Variants in FMN1 observed in about 807,000 individuals in gnomAD.
The protein encoded by FMN1 is formin 1, also known as formin-1.
FMN1 carries 110 observed loss-of-function variants against 132.4 expected under a neutral mutation model. That is an observed-to-expected ratio of 0.83 (90% confidence interval 0.71 to 0.97). FMN1 has a LOEUF of 0.97. FMN1 is among the 50% of genes least tolerant of loss of function. The pLI, the probability that FMN1 is intolerant of heterozygous loss-of-function variation, is 0.00. For synonymous variants in FMN1, 722 were observed against 651.7 expected, an observed-to-expected ratio of 1.11 and a Z score of -1.64; for missense variants, 1,792 against 1,705.3, an observed-to-expected ratio of 1.05 and a Z score of -0.90.
At chr15:32,961,523 T>A (rs997316107) in intron 9 of FMN1, among the ~76,000 whole-genome samples, 1 of 152,172 alleles carries the variant, frequency 6.6e-6, no homozygotes, top group Admixed American at 6.5e-5. Context: ...CACAGAGTAC[T>A]ATACTTTTTC....
chr15:32,960,833 T>C (rs1312240320), intron 9 of FMN1, among the ~76,000 whole-genome samples: 1 of 151,538 alleles, frequency 6.6e-6, no homozygotes, highest in African/African-American at 2.4e-5. Flanking sequence ...CTGTCTCTAC[T>C]AAAAATACAA....
At chr15:32,912,246 G>A (rs576534754) in intron 10 of FMN1, among the ~76,000 whole-genome samples, 1 of 152,144 alleles carries the variant, frequency 6.6e-6, no homozygotes, top group Admixed American at 6.5e-5. Flanking sequence ...ATCAGTCTGG[G>A]GCCCAGGCAC....
At chr15:32,897,585 T>TTCTA (rs2060190786) in intron 15 of FMN1, among the ~76,000 whole-genome samples, 1 of 152,034 alleles carries the variant, frequency 6.6e-6, no homozygotes, top group Non-Finnish European at 1.5e-5. Flanking sequence ...ACAGAATACG[T>TTCTA]GTAGAGGGAA....
At chr15:32,962,442 C>A (rs1464770829) in intron 9 of FMN1, among the ~76,000 whole-genome samples, 1 of 151,944 alleles carries the variant, frequency 6.6e-6, no homozygotes, top group Non-Finnish European at 1.5e-5. Context: ...GCAACGACTT[C>A]ATGTCTAAAA....
intron 17 of FMN1, among the ~76,000 whole-genome samples, chr15:32,819,649 C>A (rs147695287): frequency 2.0e-4 from 30 of 151,972 alleles, no homozygotes; most frequent in Admixed American, 5.9e-4. Context: ...AATTTAAAGA[C>A]GTTTCCTAAA....
intron 3 of FMN1, among the ~76,000 whole-genome samples, chr15:33,176,474 C>G (rs756196356): frequency 6.9e-6 from 1 of 144,590 alleles, no homozygotes; most frequent in African/African-American, 2.6e-5. Flanking sequence ...CCACTGCACT[C>G]CAGCCTGGGC....
intron 19 of FMN1, among the ~76,000 whole-genome samples, chr15:32,792,482 A>T (rs1475944247): frequency 6.6e-6 from 1 of 151,810 alleles, no homozygotes; most frequent in Non-Finnish European, 1.5e-5. Flanking sequence ...AAAACCCAAA[A>T]AAACTAGCAG....
chr15:33,153,388 C>T lies in FMN1; in HGVS notation c.1527G>A (p.Ser509=), dbSNP rs200832343. The change falls in exon 4 of 21, where the codon TCG becomes TCA. Residue 509 remains serine (S), a synonymous_variant. Coordinates refer to ENST00000616417, the MANE Select transcript of FMN1 (RefSeq NM_001277313.2). ...ACGTCTGTTTGTGTGTGCTGGACTG[C>T]GAGGCTGAATTATTAAACACCTTGC... ...ALGKVFNNSA[S]QSSTHKQTSP... is the part of the protein sequence containing the mutation. 870 of 1,536,402 alleles carry T rather than the reference C, an allele frequency of 5.7e-4. 5 individuals carry two copies. Among genetic ancestry groups the T allele is most frequent in the Non-Finnish European group, 9.5e-5 (109 of 1,146,994 alleles).
At chr15:32,801,265 GGATTT>G (rs544616311) in intron 18 of FMN1, among the ~76,000 whole-genome samples, 33 of 152,178 alleles carry the variant, frequency 2.2e-4, no homozygotes, top group Middle Eastern at 6.8e-3. Flanking sequence ...CTCTCCCTGG[GGATTT>G]GTGAGGTACT....
chr15:33,086,619 T>C (rs2038706958), intron 5 of FMN1, among the ~76,000 whole-genome samples: 3 of 152,238 alleles, frequency 2.0e-5, no homozygotes. Flanking sequence ...TTTCAAAATC[T>C]ACTTCAGCAC....
At chr15:33,005,521 C>T (rs1291602490) in intron 7 of FMN1, among the ~76,000 whole-genome samples, 2 of 152,238 alleles carry the variant, frequency 1.3e-5, no homozygotes, top group East Asian at 1.9e-4. Flanking sequence ...CCAATCTTTT[C>T]TTAGTTTGAG....
intron 17 of FMN1, among the ~76,000 whole-genome samples, chr15:32,825,371 C>T (rs1174386605): frequency 2.6e-5 from 4 of 152,192 alleles, no homozygotes; most frequent in Admixed American, 2.6e-4. Flanking sequence ...TGTATTCGCC[C>T]ATCTTAATCT....
chr15:32,945,277 A>C (rs1297099456), intron 9 of FMN1, among the ~76,000 whole-genome samples: 3 of 152,136 alleles, frequency 2.0e-5, no homozygotes, highest in Admixed American at 6.6e-5. Context: ...TTTTCCCATG[A>C]GCCCCTTTCA....
chr15:33,117,941 G>A (rs193194702), intron 4 of FMN1, among the ~76,000 whole-genome samples: 1 of 152,138 alleles, frequency 6.6e-6, no homozygotes, highest in Non-Finnish European at 1.5e-5. Flanking sequence ...GTACGGAAGA[G>A]AAATAATACT....
intron 19 of FMN1, among the ~76,000 whole-genome samples, chr15:32,786,430 G>A (rs2056880613): frequency 6.6e-6 from 1 of 152,114 alleles, no homozygotes; most frequent in African/African-American, 2.4e-5. Flanking sequence ...ATCAGGGACA[G>A]CTTCTATGAG....
chr15:32,919,345 T>C (rs1045360335), intron 10 of FMN1, among the ~76,000 whole-genome samples: 1 of 152,124 alleles, frequency 6.6e-6, no homozygotes, highest in Non-Finnish European at 1.5e-5. Context: ...GTTATGGAAG[T>C]GGGTAAAAAC....
chr15:33,146,416 T>C, intron 4 of FMN1, among the ~76,000 whole-genome samples: 1 of 152,148 alleles, frequency 6.6e-6, no homozygotes, highest in East Asian at 1.9e-4. Flanking sequence ...TCCTCCCTAT[T>C]ATCCAACATC....
chr15:33,036,621 T>C (rs2036204589), intron 6 of FMN1, among the ~76,000 whole-genome samples: 1 of 152,114 alleles, frequency 6.6e-6, no homozygotes, highest in Non-Finnish European at 1.5e-5. Context: ...TTTACTAGCT[T>C]TGCAGACCAA....
In FMN1 at chr15:32,791,251, T is replaced by C. The variant is rs1595918518; in HGVS notation, c.4130+7553A>G. Among the ~76,000 whole-genome samples the C allele has an allele frequency of 7.7e-5, 8 of 103,938 alleles. 1 individual carries two copies. The highest frequency in any genetic ancestry group is 2.5e-4 in the African/African-American group (8 of 32,382). The allele number at this position is 103,938 out of a possible 152,430, so 68.2% of individuals were successfully genotyped here. A position where few individuals can be genotyped will look rare whatever the true frequency, so the allele number is the denominator to read the frequency against. ...GAAGTTCTTGAAAGAACTCAAGCTT[T>C]AGTGTAAAAAAAAAAAAAAAGACCT... On this transcript the variant is annotated intron_variant, in intron 19 of 20. Coordinates refer to ENST00000616417, the MANE Select transcript of FMN1 (RefSeq NM_001277313.2).
Sources: gnomAD v4.1 joint callset for allele counts (sites outside exome capture counted in the v4.1 genomes callset) on GRCh38, gnomAD v4.1.1 for gene constraint, MANE v1.5 for transcripts, NCBI Gene and HGNC (gene_info 2026-07-23, HGNC 2026-07-21) for gene names.